Variants in FAM241A observed in about 807,000 individuals in gnomAD.
The protein encoded by FAM241A is uncharacterized protein FAM241A.
In FAM241A, 7 loss-of-function variants were observed where a neutral mutation model predicts 12.2. The ratio of observed to expected loss-of-function variants is 0.58; its 90% CI spans 0.33 to 1.08. The LOEUF (loss-of-function observed/expected upper bound fraction) is 1.08, where lower values mean the gene tolerates loss of function less well. Among genes scored for constraint, FAM241A ranks in the 50% least tolerant of loss-of-function variants. FAM241A has a pLI of 0.04. For synonymous variants in FAM241A, 74 were observed against 68.2 expected (o/e 1.08, Z -0.42); for missense variants, 161 against 169.7 (o/e 0.95, Z 0.29).
chr4:112,162,265 T>C (rs529550614), intron 1 of FAM241A, among the ~76,000 whole-genome samples: 2 of 152,292 alleles, frequency 1.3e-5, no homozygotes, highest in African/African-American at 4.8e-5. Flanking sequence ...AGGGATGCCC[T>C]CTCTCACCAC....
Position 112,181,326 on chromosome 4 carries a change from CA to C in FAM241A, c.154-5356del, listed in dbSNP as rs61327022. Among the ~76,000 whole-genome samples, 492 of 140,452 alleles carry C rather than the reference CA, an allele frequency of 3.5e-3. 1 individual carries two copies. Among genetic ancestry groups the C allele is most frequent in the Non-Finnish European group, 4.4e-3 (284 of 64,212 alleles). The allele number at this position is 140,452 out of a possible 152,430, so 92.1% of individuals were successfully genotyped here. ...AAATAGTGCCCATCTTTGGTTTGGC[CA>C]AAAAAAAAAAGGAGCAAAGTAGAAA... On this transcript the variant is annotated intron_variant, in intron 1 of 1. Transcript: ENST00000309733.
intron 1 of FAM241A, among the ~76,000 whole-genome samples, chr4:112,162,192 C>T (rs1723487827): frequency 6.6e-6 from 1 of 152,202 alleles, no homozygotes; most frequent in Non-Finnish European, 1.5e-5. Context: ...GACAGACCCA[C>T]AGCCAATATC....
intron 1 of FAM241A, among the ~76,000 whole-genome samples, chr4:112,179,939 G>GTA (rs1167145389): frequency 2.6e-5 from 2 of 77,440 alleles, no homozygotes; most frequent in East Asian, 5.8e-4. Context: ...ATATATATAT[G>GTA]TATATGTGTG....
At chr4:112,155,106 A>G (rs1244347385) in intron 1 of FAM241A, among the ~76,000 whole-genome samples, 1 of 152,022 alleles carries the variant, frequency 6.6e-6, no homozygotes, top group African/African-American at 2.4e-5. Context: ...GCCCACAGTT[A>G]TATATCATTA....
At chr4:112,153,704 T>C (rs1431202383) in intron 1 of FAM241A, among the ~76,000 whole-genome samples, 2 of 152,202 alleles carry the variant, frequency 1.3e-5, no homozygotes, top group Non-Finnish European at 2.9e-5. Context: ...CTGAGTCTTA[T>C]CTTGGCATAG....
chr4:112,182,558 C>G (rs1723960960), intron 1 of FAM241A, among the ~76,000 whole-genome samples: 1 of 151,970 alleles, frequency 6.6e-6, no homozygotes, highest in Non-Finnish European at 1.5e-5. Flanking sequence ...AGGGATCAAA[C>G]TCATCGACTA....
At chr4:112,146,578 T>C (rs1324501785) in intron 1 of FAM241A, among the ~76,000 whole-genome samples, 1 of 152,228 alleles carries the variant, frequency 6.6e-6, no homozygotes, top group Admixed American at 6.5e-5. Flanking sequence ...TAAGCCGCTC[T>C]TTAGACTCAC....
intron 1 of FAM241A, among the ~76,000 whole-genome samples, chr4:112,155,682 C>CTT (rs1226297587): frequency 1.3e-5 from 2 of 151,936 alleles, no homozygotes; most frequent in Non-Finnish European, 2.9e-5. Flanking sequence ...TCCAGCCTCA[C>CTT]TATAAAGAAA....
intron 1 of FAM241A, among the ~76,000 whole-genome samples, chr4:112,163,568 C>T (rs1404922080): frequency 6.6e-6 from 1 of 152,164 alleles, no homozygotes; most frequent in African/African-American, 2.4e-5. Flanking sequence ...AAATGCTCAC[C>T]ATCACTGGTC....
chr4:112,192,620 G>C lies in FAM241A; in HGVS notation c.*5682G>C, dbSNP rs1181352080. On this transcript the variant is annotated 3_prime_UTR_variant, in exon 2 of 2. Coordinates refer to ENST00000309733, the MANE Select transcript of FAM241A (RefSeq NM_152400.3). The stretch of plus-strand genomic sequence containing the variant: ...TGTTTGGTTTTTTGTCCTTGCGATA[G>C]TTTACTGAGAATGATGATTTCCAAT... 1 of 150,940 alleles carries C rather than the reference G, an allele frequency of 6.6e-6. No homozygotes were observed. Among genetic ancestry groups the C allele is most frequent in the Non-Finnish European group, 1.5e-5 (1 of 67,876 alleles). 9.4% of individuals were successfully genotyped at this position (150,940 alleles called of 1,614,324 possible).
chr4:112,150,757 A>G (rs867776312), intron 1 of FAM241A, among the ~76,000 whole-genome samples: 2 of 152,250 alleles, frequency 1.3e-5, no homozygotes, highest in African/African-American at 4.8e-5. Context: ...CTGTAACTTT[A>G]GGCAAGTAAC....
intron 1 of FAM241A, among the ~76,000 whole-genome samples, chr4:112,152,374 T>C (rs1388728114): frequency 2.0e-5 from 3 of 152,196 alleles, no homozygotes; most frequent in African/African-American, 7.2e-5. Context: ...GTGCCAAAGT[T>C]GAGAAACAAT....
At chr4:112,148,637 T>A (rs538282992) in intron 1 of FAM241A, among the ~76,000 whole-genome samples, 1 of 152,136 alleles carries the variant, frequency 6.6e-6, no homozygotes, top group Admixed American at 6.5e-5. Flanking sequence ...TAAAGAGAGA[T>A]AAGCAAGGGA....
chr4:112,156,171 CT>C (rs1191527308), intron 1 of FAM241A, among the ~76,000 whole-genome samples: 3 of 152,102 alleles, frequency 2.0e-5, no homozygotes, highest in African/African-American at 7.2e-5. Context: ...ATATAAAATA[CT>C]GTATATTTCT....
intron 1 of FAM241A, among the ~76,000 whole-genome samples, chr4:112,167,196 A>C (rs1017992618): frequency 1.3e-5 from 2 of 152,074 alleles, no homozygotes; most frequent in African/African-American, 2.4e-5. Context: ...TTGAATCTTC[A>C]GCATATAAAC....
At chr4:112,186,247 G>A (rs1344963002) in intron 1 of FAM241A, among the ~76,000 whole-genome samples, 4 of 152,140 alleles carry the variant, frequency 2.6e-5, no homozygotes, top group Non-Finnish European at 5.9e-5. Context: ...ACTATGCAAG[G>A]GCCTGCGCTG....
intron 1 of FAM241A, among the ~76,000 whole-genome samples, chr4:112,166,471 A>G (rs1193477805): frequency 1.8e-4 from 27 of 152,120 alleles, no homozygotes; most frequent in Non-Finnish European, 1.5e-5. Context: ...AGAGATTTAG[A>G]AATTTGATTA....
At chr4:112,157,839 A>G (rs759896244) in intron 1 of FAM241A, among the ~76,000 whole-genome samples, 20 of 152,192 alleles carry the variant, frequency 1.3e-4, no homozygotes, top group Non-Finnish European at 1.8e-4. Flanking sequence ...TGTTCATGTC[A>G]TCCTAGCATA....
chr4:112,191,076 CGA>C lies in FAM241A; in HGVS notation c.*4140_*4141del, dbSNP rs1724157544. On this transcript the variant is annotated 3_prime_UTR_variant, in exon 2 of 2. Transcript: ENST00000309733. ...GTACCCAAGACTCAGCGTGTCCAAA[CGA>C]GCGCAGCATCCTTCTCCCAAATCTT... 1 of 152,238 alleles carries C rather than the reference CGA, an allele frequency of 6.6e-6. No homozygotes were observed. The highest frequency in any genetic ancestry group is 1.5e-5 in the Non-Finnish European group (1 of 68,066). 9.4% of individuals were successfully genotyped at this position (152,238 alleles called of 1,614,324 possible). A position where few individuals can be genotyped will look rare whatever the true frequency, so the allele number is the denominator to read the frequency against.
Sources: allele counts gnomAD v4.1 joint callset (sites outside exome capture counted in the v4.1 genomes callset), GRCh38; gene constraint gnomAD v4.1.1; transcripts MANE v1.5; gene names NCBI Gene and HGNC (gene_info 2026-07-23, HGNC 2026-07-21).